FRYL: variants seen among roughly 807,000 people sequenced by gnomAD.
The protein encoded by FRYL is FRY like transcription coactivator.
Under a neutral mutation model 351.2 loss-of-function variants are expected in FRYL, and 150 were observed. The observed-to-expected ratio is 0.43, with a 90% confidence interval of 0.37 to 0.49. FRYL has a LOEUF of 0.49. Ranked by LOEUF, FRYL falls within the 20% of genes least tolerant of loss-of-function variation. The pLI, the probability that FRYL is intolerant of heterozygous loss-of-function variation, is 0.00. For synonymous variants in FRYL, 1,153 were observed against 1,257.1 expected (o/e 0.92, Z 1.75); for missense variants, 3,036 against 3,619.3 (o/e 0.84, Z 4.13).
intron 41 of FRYL, 186 bp from the exon 42 acceptor site, chr4:48,546,457 C>T: frequency 1.7e-6 from 1 of 594,692 alleles, no homozygotes; most frequent in South Asian, 2.0e-5. Context: ...AGTTTTGGGG[C>T]AAACATTGTT....
chr4:48,728,613 A>C (rs941462949), intron 1 of FRYL, among the ~76,000 whole-genome samples: 29 of 152,254 alleles, frequency 1.9e-4, no homozygotes, highest in African/African-American at 6.8e-4. Context: ...ATCATACGCA[A>C]CTACAGAAAA....
rs979241448 is a variant in FRYL, at chr4:48,549,725, TA to T, written c.4634-103del. 87 of 948,416 alleles carry T rather than the reference TA, an allele frequency of 9.2e-5. No homozygotes were observed. Among genetic ancestry groups the T allele is most frequent in the African/African-American group, 1.3e-4 (8 of 59,290 alleles). The allele number at this position is 948,416 out of a possible 1,614,324, so 58.8% of individuals were successfully genotyped here. A position where few individuals can be genotyped will look rare whatever the true frequency, so the allele number is the denominator to read the frequency against. The stretch of plus-strand genomic sequence containing the variant: ...CTATTTATATAGTATTGGAAAGTGA[TA>T]AAAAAAATTTCCCACTATTTCAACA... On this transcript the variant is annotated intron_variant, in intron 38 of 63. Coordinates refer to ENST00000358350, the MANE Select transcript of FRYL (RefSeq NM_015030.2). The surrounding 1 kb of genome is among the most constrained non-coding windows in gnomAD (Gnocchi z 4.2).
At chr4:48,684,018 G>C (rs1474059014) in intron 3 of FRYL, among the ~76,000 whole-genome samples, 1 of 152,118 alleles carries the variant, frequency 6.6e-6, no homozygotes, top group African/African-American at 2.4e-5. Flanking sequence ...TTCATGACAT[G>C]CAAGACAACC....
intron 3 of FRYL, among the ~76,000 whole-genome samples, chr4:48,672,811 A>G (rs1003647769): frequency 2.6e-5 from 4 of 152,230 alleles, no homozygotes; most frequent in Non-Finnish European, 4.4e-5. Flanking sequence ...CTGGTCTTCA[A>G]TGAAGACTTA....
intron 3 of FRYL, among the ~76,000 whole-genome samples, chr4:48,656,404 T>TTATATATAATG (rs1042284681): frequency 3.9e-5 from 5 of 129,036 alleles, no homozygotes; most frequent in African/African-American, 1.4e-4. Context: ...TAATATATAA[T>TTATATATAATG]TATATATAAT....
At chr4:48,637,075 C>G (rs1173774523) in intron 3 of FRYL, 1 of 151,970 alleles carries the variant, frequency 6.6e-6, no homozygotes, top group Non-Finnish European at 1.5e-5. Context: ...ATAATAAACA[C>G]ACAGTTAATC....
At chr4:48,571,415 G>T (rs1247835637) in intron 26 of FRYL, among the ~76,000 whole-genome samples, 1 of 152,138 alleles carries the variant, frequency 6.6e-6, no homozygotes, top group East Asian at 1.9e-4. Flanking sequence ...AAATATGTTT[G>T]TATTACTAGG....
chr4:48,508,689 A>C (rs1220873766), intron 59 of FRYL, among the ~76,000 whole-genome samples: 5 of 152,038 alleles, frequency 3.3e-5, no homozygotes, highest in Non-Finnish European at 7.4e-5. Flanking sequence ...AGTTGGCTTC[A>C]CTCATATGTC....
At chr4:48,524,420 C>T (rs1485086110) in intron 53 of FRYL, among the ~76,000 whole-genome samples, 3 of 151,996 alleles carry the variant, frequency 2.0e-5, no homozygotes, top group African/African-American at 4.8e-5. Context: ...TATTATGTAC[C>T]AAAACACATA....
In FRYL at chr4:48,669,940, T is replaced by A. The variant is rs1415965723; in HGVS notation, c.-81+14733A>T. 1.4e-4 allele frequency among the ~76,000 whole-genome samples: 21 copies of A among 152,206 alleles called. No individual in the cohort carries two copies. In the South Asian group the frequency reaches 3.9e-3, roughly 29 times the overall value. On this transcript the variant is annotated intron_variant, in intron 3 of 63. Coordinates refer to ENST00000358350, the MANE Select transcript of FRYL (RefSeq NM_015030.2). The stretch of plus-strand genomic sequence containing the variant: ...CTGTCAATTTTTTTTTTACATTTTT[T>A]AAAATCATTTTTTACTTTTAATTTT...
chr4:48,603,389 C>A lies in FRYL; in HGVS notation c.835-1G>T. On this transcript the variant is annotated splice_acceptor_variant, in intron 11 of 63. Coordinates refer to ENST00000358350, the MANE Select transcript of FRYL (RefSeq NM_015030.2). LOFTEE classifies it high-confidence loss of function. ...GAACATTCACTTCATTTTTAACAGC[C>A]TAGTAAAAAGATAATGCAAACAAAG... 6.3e-7 allele frequency: 1 copy of A among 1,577,298 alleles called. No homozygotes were observed. The highest frequency in any genetic ancestry group is 8.7e-7 in the Non-Finnish European group (1 of 1,151,032).
chr4:48,516,399 A>G (rs1446765830), intron 55 of FRYL, among the ~76,000 whole-genome samples: 1 of 152,220 alleles, frequency 6.6e-6, no homozygotes, highest in Non-Finnish European at 1.5e-5. Context: ...TTCAAAGCAT[A>G]TATGATGATG....
chr4:48,576,116 A>C lies in FRYL; in HGVS notation c.2635T>G (p.Ser879Ala). 6.2e-7 allele frequency: 1 copy of C among 1,614,006 alleles called. No individual in the cohort carries two copies. The change falls in exon 24 of 64, where the codon TCT becomes GCT. Residue 879 changes from serine to alanine, a missense_variant. Transcript: ENST00000358350. ...CTCACAGAACCTGCAGATGTGGAAG[A>C]TGACGATGTTGCTGCACTGCAGCAA... is the stretch of plus-strand genomic sequence containing the variant. ...ILCCSAATSS[S>A]STSAGSVRCS...
intron 16 of FRYL, among the ~76,000 whole-genome samples, chr4:48,592,101 T>TATATATATATATATATATATATAC (rs1158547540): frequency 4.3e-3 from 194 of 44,956 alleles, no homozygotes; most frequent in Non-Finnish European, 9.6e-3. Flanking sequence ...TATATATATA[T>TATATATATATATATATATATATAC]ATATATATAT....
At chr4:48,738,667 T>A (rs1248089875) in intron 1 of FRYL, among the ~76,000 whole-genome samples, 2 of 144,136 alleles carry the variant, frequency 1.4e-5, no homozygotes, top group South Asian at 4.4e-4. Context: ...ATGGCTAACT[T>A]TTTTTTTTTT....
intron 2 of FRYL, among the ~76,000 whole-genome samples, chr4:48,696,240 C>T (rs748190306): frequency 1.3e-4 from 20 of 152,122 alleles, no homozygotes; most frequent in Non-Finnish European, 2.4e-4. Flanking sequence ...ATGTTTACTG[C>T]AGCACTATTT....
chr4:48,632,104 A>ATATGTATATG (rs1553957629), intron 4 of FRYL, among the ~76,000 whole-genome samples: 2 of 49,924 alleles, frequency 4.0e-5, no homozygotes, highest in Non-Finnish European at 8.7e-5. Flanking sequence ...ATATATATAT[A>ATATGTATATG]TATATATATA....
chr4:48,703,303 G>T (rs1363202005), intron 2 of FRYL, among the ~76,000 whole-genome samples: 1 of 152,080 alleles, frequency 6.6e-6, no homozygotes, highest in Non-Finnish European at 1.5e-5. Context: ...TCCTGAATTA[G>T]AACTGAAAGA....
At chr4:48,628,575 C>G (rs1752343550) in intron 4 of FRYL, among the ~76,000 whole-genome samples, 1 of 151,676 alleles carries the variant, frequency 6.6e-6, no homozygotes, top group South Asian at 2.1e-4. Context: ...AAAATTACGA[C>G]TAGAGTGGGG....
Sources: gnomAD v4.1 joint callset for allele counts (sites outside exome capture counted in the v4.1 genomes callset) on GRCh38, gnomAD v4.1.1 for gene constraint, Gnocchi (gnomAD v3.1) non-coding constraint, MANE v1.5 for transcripts, NCBI Gene and HGNC (gene_info 2026-07-23, HGNC 2026-07-21) for gene names.